P4HA2: variants seen among roughly 807,000 people sequenced by gnomAD.
P4HA2 encodes prolyl 4-hydroxylase subunit alpha-2.
Under a neutral mutation model 76.9 loss-of-function variants are expected in P4HA2, and 46 were observed. The ratio of observed to expected loss-of-function variants is 0.60; its 90% CI spans 0.47 to 0.76. The LOEUF (loss-of-function observed/expected upper bound fraction) is 0.76, where lower values mean the gene tolerates loss of function less well. P4HA2 is among the 30% of genes least tolerant of loss of function. P4HA2 has a pLI of 0.00. For missense variants in P4HA2, 583 were observed against 669.4 expected, an observed-to-expected ratio of 0.87 and a Z score of 1.42; for synonymous variants, 243 against 254.0, an observed-to-expected ratio of 0.96 and a Z score of 0.41.
At position 132,191,250 on chromosome 5, in the gene P4HA2, C is replaced by T. The variant is rs557956268; in HGVS notation, c.*1760G>A. ...CATATGGGCCGGGCGCGGTGGCTCA[C>T]GCCTGTAATCCCAGCACTTTGGGAG... is the stretch of plus-strand genomic sequence containing the variant. On this transcript the variant is annotated 3_prime_UTR_variant, in exon 15 of 15. Transcript: ENST00000360568. Among the ~76,000 whole-genome samples the T allele has an allele frequency of 6.6e-6, 1 of 152,290 alleles. No individual in the cohort carries two copies. Among genetic ancestry groups the T allele is most frequent in the Non-Finnish European group, 1.5e-5 (1 of 68,008 alleles).
intron 5 of P4HA2, among the ~76,000 whole-genome samples, chr5:132,213,225 G>A (rs994204390): frequency 7.9e-5 from 12 of 152,188 alleles, no homozygotes; most frequent in African/African-American, 1.4e-4. Context: ...AACCTTGTTC[G>A]CTGGGTTTAC....
chr5:132,214,006 C>T lies in P4HA2; in HGVS notation c.379G>A (p.Glu127Lys), dbSNP rs200297312. ...SVQRQFFPTD[E>K]DEIGAAKALM... ...GCTTTGGCAGCTCCTATCTCGTCCT[C>T]ATCAGTGGGGAAGAACTGCCGCTGC... Residue 127 changes from glutamate to lysine, a missense_variant, in exon 5 of 15, where the codon GAG becomes AAG. Coordinates refer to ENST00000360568, the MANE Select transcript of P4HA2 (RefSeq NM_001017974.2). 1 of 1,614,034 alleles carries T rather than the reference C, an allele frequency of 6.2e-7. No homozygotes were observed. Among genetic ancestry groups the T allele is most frequent in the Admixed American group, 1.7e-5 (1 of 60,004 alleles).
At chr5:132,205,975 G>C (rs1418394902) in intron 8 of P4HA2, among the ~76,000 whole-genome samples, 1 of 152,172 alleles carries the variant, frequency 6.6e-6, no homozygotes, top group Non-Finnish European at 1.5e-5. Context: ...TAAGCTCATT[G>C]GCTCTACTTC....
intron 1 of P4HA2, among the ~76,000 whole-genome samples, chr5:132,225,896 C>T (rs1755323757): frequency 2.0e-5 from 3 of 152,216 alleles, no homozygotes; most frequent in Admixed American, 6.5e-5. Context: ...AGTATGACAG[C>T]ATCTTTGGGA....
chr5:132,217,409 C>T (rs1185429379), intron 3 of P4HA2, 61 bp from the exon 4 acceptor site: 16 of 1,538,616 alleles, frequency 1.0e-5, no homozygotes, highest in Non-Finnish European at 1.3e-5. Flanking sequence ...TGACCTGTGA[C>T]AATTTTCCTA....
At position 132,203,931 on chromosome 5, in the gene P4HA2, C is replaced by A. The variant is rs889102120; in HGVS notation, c.1152-84G>T. On this transcript the variant is annotated intron_variant, in intron 9 of 14. Coordinates refer to ENST00000360568, the MANE Select transcript of P4HA2 (RefSeq NM_001017974.2). Reference sequence around the variant, plus strand: ...CTGAACTCTGTCCCCAGAGTCAGGGCCAGCATGAACAGGCAGTACAGGATG... The same window carrying A: ...CTGAACTCTGTCCCCAGAGTCAGGGACAGCATGAACAGGCAGTACAGGATG... 4 of 1,211,206 alleles carry A rather than the reference C, an allele frequency of 3.3e-6. No homozygotes were observed. The Admixed American group carries it at 6.8e-5, about 21-fold the overall frequency. The allele number at this position is 1,211,206 out of a possible 1,614,324, so 75.0% of individuals were successfully genotyped here. A position where few individuals can be genotyped will look rare whatever the true frequency, so the allele number is the denominator to read the frequency against.
At chr5:132,219,086 G>C (rs1481278366) in intron 1 of P4HA2, among the ~76,000 whole-genome samples, 1 of 152,196 alleles carries the variant, frequency 6.6e-6, no homozygotes, top group Non-Finnish European at 1.5e-5. Flanking sequence ...TGCCCACAAG[G>C]AGGCAACAGT....
chr5:132,212,305 T>C (rs983882382), intron 5 of P4HA2, among the ~76,000 whole-genome samples: 2 of 152,070 alleles, frequency 1.3e-5, no homozygotes, highest in African/African-American at 4.8e-5. Flanking sequence ...TAAGACCACA[T>C]GGAGGATGGT....
rs773151852 is a variant in P4HA2, at chr5:132,210,264, T to C, written c.709+20A>G. 3 of 1,613,492 alleles carry C rather than the reference T, an allele frequency of 1.9e-6. No individual in the cohort carries two copies. Among genetic ancestry groups the C allele is most frequent in the African/African-American group, 1.3e-5 (1 of 74,930 alleles). On this transcript the variant is annotated intron_variant, in intron 6 of 14. Coordinates refer to ENST00000360568, the MANE Select transcript of P4HA2 (RefSeq NM_001017974.2). ...TGCCACTCTCCATTCCCATCTTACCTTCCCCTAGAATCTCCTTACCAAGGG... is the reference window on the plus strand; with the variant it reads ...TGCCACTCTCCATTCCCATCTTACCCTCCCCTAGAATCTCCTTACCAAGGG...
intron 1 of P4HA2, among the ~76,000 whole-genome samples, chr5:132,220,146 G>A (rs916682275): frequency 1.3e-5 from 2 of 152,242 alleles, no homozygotes; most frequent in Non-Finnish European, 2.9e-5. Flanking sequence ...AAGTGAGTAA[G>A]CCTGGGCTTG....
At chr5:132,213,459 AG>A (rs1753379001) in intron 5 of P4HA2, among the ~76,000 whole-genome samples, 1 of 152,238 alleles carries the variant, frequency 6.6e-6, no homozygotes, top group African/African-American at 2.4e-5. Context: ...GAGCAAGAAT[AG>A]AGCCTATATG....
At chr5:132,206,156 C>A (rs1211131302) in intron 8 of P4HA2, among the ~76,000 whole-genome samples, 1 of 152,190 alleles carries the variant, frequency 6.6e-6, no homozygotes, top group East Asian at 1.9e-4. Context: ...CAGCCACACA[C>A]ATGTGTACAC....
chr5:132,214,340 C>T (rs928797216), intron 4 of P4HA2, among the ~76,000 whole-genome samples: 2 of 152,182 alleles, frequency 1.3e-5, no homozygotes, highest in African/African-American at 4.8e-5. Flanking sequence ...GAAGTCTTGG[C>T]TCCAAATCAT....
intron 8 of P4HA2, among the ~76,000 whole-genome samples, chr5:132,207,069 A>G (rs1752300922): frequency 6.6e-6 from 1 of 152,244 alleles, no homozygotes; most frequent in South Asian, 2.1e-4. Context: ...TTCAGTAAAC[A>G]TTAGCTCTTA....
At chr5:132,213,370 A>G (rs1461152411) in intron 5 of P4HA2, among the ~76,000 whole-genome samples, 1 of 152,160 alleles carries the variant, frequency 6.6e-6, no homozygotes, top group Non-Finnish European at 1.5e-5. Flanking sequence ...CCAGTAGCCT[A>G]ACCAGGAGGG....
rs180776781 is a variant in P4HA2 at position 132,205,733 on chromosome 5, G to A, written c.1081-1581C>T. On this transcript the variant is annotated intron_variant, in intron 8 of 14. Coordinates refer to ENST00000360568, the MANE Select transcript of P4HA2 (RefSeq NM_001017974.2). ...GATGGCCAGCACAAGCAGGACAGAC[G>A]GCTCCCAAGCTCCTACTCATGGCCC... is the stretch of plus-strand genomic sequence containing the variant. Among the ~76,000 whole-genome samples, 348 of 152,224 alleles carry A rather than the reference G, an allele frequency of 2.3e-3. 1 individual carries two copies. Among genetic ancestry groups the A allele is most frequent in the Non-Finnish European group, 4.2e-3 (289 of 68,008 alleles).
At chr5:132,203,508 C>T in intron 10 of P4HA2, 2 of 519,540 alleles carry the variant, frequency 3.8e-6, no homozygotes, top group Non-Finnish European at 7.0e-6. Flanking sequence ...CCCCTGATCC[C>T]TAGCTTGCAG....
chr5:132,195,538 G>A, intron 12 of P4HA2, 58 bp from the exon 13 acceptor site: 1 of 1,293,658 alleles, frequency 7.7e-7, no homozygotes, highest in African/African-American at 1.4e-5. Context: ...GAGCAATTGA[G>A]CCACAAAGGA....
intron 5 of P4HA2, among the ~76,000 whole-genome samples, chr5:132,212,736 T>C (rs927180046): frequency 6.6e-6 from 1 of 152,078 alleles, no homozygotes; most frequent in East Asian, 1.9e-4. Context: ...AGGGAGAAGA[T>C]GAGGTAAGGA....
Sources: gnomAD v4.1 joint callset for allele counts (sites outside exome capture counted in the v4.1 genomes callset) on GRCh38, gnomAD v4.1.1 for gene constraint, MANE v1.5 for transcripts, NCBI Gene and HGNC (gene_info 2026-07-23, HGNC 2026-07-21) for gene names.